Variants in KMT2C observed in about 807,000 individuals in gnomAD.
KMT2C encodes histone-lysine N-methyltransferase 2C.
In KMT2C, 88 loss-of-function variants were observed where a neutral mutation model predicts 507.9. The observed-to-expected ratio is 0.17, with a 90% CI of 0.15 to 0.21. The LOEUF is 0.21. Ranked by LOEUF, KMT2C falls within the 10% of genes least tolerant of loss-of-function variation. The pLI, the probability that KMT2C is intolerant of heterozygous loss-of-function variation, is 1.00. For missense variants in KMT2C, 4,954 were observed against 5,957.8 expected (o/e 0.83, Z 5.55); for synonymous variants, 2,049 against 2,080.8 (o/e 0.98, Z 0.42).
intron 9 of KMT2C, among the ~76,000 whole-genome samples, chr7:152,261,241 A>G (rs2095768176): frequency 6.6e-6 from 1 of 152,286 alleles, no homozygotes. Context: ...CCTCAACAAA[A>G]AACACATTAC....
intron 1 of KMT2C, among the ~76,000 whole-genome samples, chr7:152,416,302 T>C (rs2097734815): frequency 6.6e-6 from 1 of 152,002 alleles, no homozygotes; most frequent in South Asian, 2.1e-4. Context: ...TCCCAGCACT[T>C]TGGGAGGCCG....
intron 2 of KMT2C, among the ~76,000 whole-genome samples, chr7:152,337,626 G>C (rs2096948979): frequency 6.6e-6 from 1 of 151,992 alleles, no homozygotes; most frequent in African/African-American, 2.4e-5. Flanking sequence ...GTGACCTTTG[G>C]CAAGTTACTT....
intron 38 of KMT2C, among the ~76,000 whole-genome samples, chr7:152,174,901 T>C (rs573256702): frequency 2.6e-5 from 4 of 152,306 alleles, no homozygotes; most frequent in East Asian, 3.9e-4. Flanking sequence ...GAGGTTTATA[T>C]AGCAAAAAAT....
intron 2 of KMT2C, among the ~76,000 whole-genome samples, chr7:152,354,047 T>C (rs2097134105): frequency 6.6e-6 from 1 of 152,186 alleles, no homozygotes. Context: ...TTCACTATGT[T>C]CCCTAAAAGA....
In KMT2C at chr7:152,199,315, T is replaced by C; in HGVS notation, c.4237A>G (p.Ser1413Gly). The change falls in exon 27 of 59, where the codon AGT (serine) becomes GGT (glycine). Residue 1413 changes from serine to glycine, a missense_variant. By Grantham distance (56) the Ser-to-Gly change is moderately conservative (BLOSUM62 0). This residue lies in a region of KMT2C where 140 missense variants were observed against 118.4 expected (regional missense o/e 1.18). Coordinates refer to ENST00000262189, the MANE Select transcript of KMT2C (RefSeq NM_170606.3). ...FLDPSLDPLL[S>G]SSSAPTKSGT... ...GATTTTGTTGGAGCCGAGGATGAAC[T>C]AAGTAGTGGATCTAAGGAAGGATCC... 1.3e-6 allele frequency: 2 copies of C among 1,599,736 alleles called. No individual in the cohort carries two copies. Among genetic ancestry groups the C allele is most frequent in the Non-Finnish European group, 1.7e-6 (2 of 1,175,372 alleles).
In KMT2C at chr7:152,299,298, C is replaced by T. The variant is rs1234811352; in HGVS notation, c.849+10668G>A. On this transcript the variant is annotated intron_variant, in intron 6 of 58. Coordinates refer to ENST00000262189, the MANE Select transcript of KMT2C (RefSeq NM_170606.3). Reference sequence around the variant, plus strand: ...GCGCCACTGCACTCCAGCCTGGCAACAGAGCGAGACTCTATCTCAAAAAAT... The same window carrying T: ...GCGCCACTGCACTCCAGCCTGGCAATAGAGCGAGACTCTATCTCAAAAAAT... Among the ~76,000 whole-genome samples the T allele has an allele frequency of 2.0e-5, 3 of 151,044 alleles. No individual in the cohort carries two copies. In the East Asian group the frequency reaches 5.8e-4, roughly 29 times the overall value.
intron 1 of KMT2C, among the ~76,000 whole-genome samples, chr7:152,425,145 A>G (rs750448806): frequency 6.6e-6 from 1 of 152,210 alleles, no homozygotes; most frequent in Non-Finnish European, 1.5e-5. Flanking sequence ...ACACCTTAAT[A>G]TATGACTTCT....
At chr7:152,429,997 G>C (rs1198322763) in intron 1 of KMT2C, among the ~76,000 whole-genome samples, 2 of 151,702 alleles carry the variant, frequency 1.3e-5, no homozygotes, top group Admixed American at 6.6e-5. Flanking sequence ...GGCCAACATG[G>C]TGAACACCCA....
At chr7:152,317,392 G>T (rs772609532) in intron 3 of KMT2C, among the ~76,000 whole-genome samples, 1 of 152,052 alleles carries the variant, frequency 6.6e-6, no homozygotes, top group Non-Finnish European at 1.5e-5. Flanking sequence ...ACAACATTGT[G>T]CCCAACCACA....
At chr7:152,315,919 CAAAA>C (rs1176224024) in intron 3 of KMT2C, among the ~76,000 whole-genome samples, 1 of 151,146 alleles carries the variant, frequency 6.6e-6, no homozygotes. Flanking sequence ...TCTCAGGAAA[CAAAA>C]AAAATGCAAG....
At chr7:152,147,819 T>C (rs921456356) in intron 52 of KMT2C, among the ~76,000 whole-genome samples, 5 of 152,246 alleles carry the variant, frequency 3.3e-5, no homozygotes, top group African/African-American at 1.2e-4. Flanking sequence ...CCAACTCGTA[T>C]GTTCAAAGAT....
chr7:152,199,203 T>A (rs2094056164), intron 27 of KMT2C, 76 bp downstream of exon 27: 1 of 1,250,740 alleles, frequency 8.0e-7, no homozygotes, highest in Admixed American at 2.8e-5. Context: ...AACAAAAACA[T>A]TTCAAAAAGA....
chr7:152,256,267 A>C (rs1227909270), intron 9 of KMT2C, among the ~76,000 whole-genome samples: 1 of 150,172 alleles, frequency 6.7e-6, no homozygotes, highest in Non-Finnish European at 1.5e-5. Context: ...ATGACTCAAA[A>C]ATCCAGAAGC....
At chr7:152,153,210 CTA>C (rs1238316156) in intron 48 of KMT2C, among the ~76,000 whole-genome samples, 4 of 152,128 alleles carry the variant, frequency 2.6e-5, no homozygotes, top group Admixed American at 2.6e-4. Context: ...ACACATTAAA[CTA>C]TTTTAGATAT....
chr7:152,346,592 T>C (rs1436496515), intron 2 of KMT2C, among the ~76,000 whole-genome samples: 1 of 152,142 alleles, frequency 6.6e-6, no homozygotes, highest in Non-Finnish European at 1.5e-5. Context: ...GAGGAAAAGT[T>C]ATGGCATTTA....
chr7:152,222,565 T>G lies in KMT2C; in HGVS notation c.3433+8A>C. 1.4e-6 allele frequency: 2 copies of G among 1,475,914 alleles called. No homozygotes were observed. Among genetic ancestry groups the G allele is most frequent in the Non-Finnish European group, 1.9e-6 (2 of 1,057,400 alleles). 91.4% of individuals were successfully genotyped at this position (1,475,914 alleles called of 1,614,324 possible). The stretch of plus-strand genomic sequence containing the variant: ...AGTGCAGACTCACAGTTTAAATTAT[T>G]CTCTTACCATTAGACGCAGGCATAT... On this transcript the variant is annotated splice_region_variant and intron_variant, in intron 21 of 58. Coordinates refer to ENST00000262189, the MANE Select transcript of KMT2C (RefSeq NM_170606.3).
intron 23 of KMT2C, among the ~76,000 whole-genome samples, chr7:152,215,688 TACACACAC>T (rs1554539523): frequency 2.7e-4 from 36 of 134,400 alleles, no homozygotes; most frequent in African/African-American, 7.4e-4. Flanking sequence ...TATATATATA[TACACACAC>T]ACATACACAC....
In KMT2C at chr7:152,177,671, A is replaced by C; in HGVS notation, c.7782T>G (p.Ile2594Met). The change falls in exon 38 of 59, where the codon ATT becomes ATG. Residue 2594 changes from isoleucine (I) to methionine (M), a missense_variant. Coordinates refer to ENST00000262189, the MANE Select transcript of KMT2C (RefSeq NM_170606.3). The part of the protein sequence containing the change: ...ASSNLRHGNF[I>M]PRPDFPGPRH... ...TAGGGCCCGGAAAGTCTGGCCGGGG[A>C]ATGAAGTTTCCATGTCTCAGATTAG... is the stretch of plus-strand genomic sequence containing the variant. 2 of 1,614,060 alleles carry C rather than the reference A, an allele frequency of 1.2e-6. No individual in the cohort carries two copies. Among genetic ancestry groups the C allele is most frequent in the Non-Finnish European group, 8.5e-7 (1 of 1,180,022 alleles).
chr7:152,399,350 G>A (rs915844407), intron 1 of KMT2C, among the ~76,000 whole-genome samples: 1 of 152,006 alleles, frequency 6.6e-6, no homozygotes, highest in African/African-American at 2.4e-5. Context: ...ATTTTAAACA[G>A]TAGTTTAAAA....
Sources: allele counts gnomAD v4.1 joint callset (sites outside exome capture counted in the v4.1 genomes callset), GRCh38; gene constraint gnomAD v4.1.1; regional missense constraint gnomAD v4.1.1; transcripts MANE v1.5; gene names NCBI Gene and HGNC (gene_info 2026-07-23, HGNC 2026-07-21).